Variants in CCPG1 observed in about 807,000 individuals in gnomAD.
The protein encoded by CCPG1 is cell cycle progression 1.
Under a neutral mutation model 81.3 loss-of-function variants are expected in CCPG1, and 46 were observed. The observed-to-expected ratio is 0.57, with a 90% CI of 0.45 to 0.72. CCPG1 has a LOEUF of 0.72. CCPG1 is among the 30% of genes least tolerant of loss of function. The pLI is 0.00. For missense variants in CCPG1, 902 were observed against 937.6 expected, an observed-to-expected ratio of 0.96 and a Z score of 0.50; for synonymous variants, 330 against 305.2, an observed-to-expected ratio of 1.08 and a Z score of -0.85.
intron 8 of CCPG1, chr15:55,357,179 A>G: frequency 1.1e-6 from 1 of 929,242 alleles, no homozygotes. Context: ...CACAATTCTC[A>G]TCTCCAATTA....
chr15:55,371,207 T>C (rs1208674800), intron 6 of CCPG1, among the ~76,000 whole-genome samples: 6 of 152,316 alleles, frequency 3.9e-5, no homozygotes, highest in Admixed American at 2.6e-4. Context: ...CCAAAAGGCA[T>C]TTAAAAGCTT....
chr15:55,369,928 T>C (rs993525764), intron 6 of CCPG1, among the ~76,000 whole-genome samples: 1 of 152,220 alleles, frequency 6.6e-6, no homozygotes, highest in African/African-American at 2.4e-5. Flanking sequence ...TCTCCATTGT[T>C]ACCCTCATGT....
Position 55,378,487 on chromosome 15 carries a change from G to C in CCPG1, c.176-111C>G. 4 of 573,916 alleles carry C rather than the reference G, an allele frequency of 7.0e-6. No homozygotes were observed. In the South Asian group the frequency reaches 7.4e-5, roughly 11 times the overall value. The allele number at this position is 573,916 out of a possible 1,614,324, so 35.6% of individuals were successfully genotyped here. A position where few individuals can be genotyped will look rare whatever the true frequency, so the allele number is the denominator to read the frequency against. On this transcript the variant is annotated intron_variant, in intron 3 of 8. Transcript: ENST00000442196. The stretch of plus-strand genomic sequence containing the variant: ...ATAAAAATCTCTTCCTAATATGTTA[G>C]GATAGATTTAATGAAATGTCACATA...
At chr15:55,370,616 C>T (rs1013714580) in intron 6 of CCPG1, among the ~76,000 whole-genome samples, 3 of 152,162 alleles carry the variant, frequency 2.0e-5, no homozygotes, top group South Asian at 2.1e-4. Flanking sequence ...GTGGCTCACG[C>T]CTGTAATCCC....
chr15:55,392,356 C>G (rs2056937867), intron 1 of CCPG1, among the ~76,000 whole-genome samples: 1 of 151,500 alleles, frequency 6.6e-6, no homozygotes, highest in South Asian at 2.1e-4. Context: ...GGATTACAGG[C>G]ACGCGCCACC....
chr15:55,390,136 C>T (rs1196818114), intron 1 of CCPG1, among the ~76,000 whole-genome samples: 4 of 152,118 alleles, frequency 2.6e-5, no homozygotes, highest in Admixed American at 2.0e-4. Context: ...GTTGGCCAGG[C>T]TGGTCGCGAA....
chr15:55,383,692 T>G lies in CCPG1; in HGVS notation c.175+1908A>C, dbSNP rs145968243. Reference sequence around the variant, plus strand: ...CTTGCTACTTCACCTTGCACTTTTATGTTACGGACATAGCTTCTTTCCTTA... The same window carrying G: ...CTTGCTACTTCACCTTGCACTTTTAGGTTACGGACATAGCTTCTTTCCTTA... On this transcript the variant is annotated intron_variant, in intron 3 of 8. Coordinates refer to ENST00000442196, the MANE Select transcript of CCPG1 (RefSeq NM_001204450.2). Among the ~76,000 whole-genome samples the G allele has an allele frequency of 1.3e-3, 202 of 152,360 alleles. 2 individuals are homozygous for G. The highest frequency in any genetic ancestry group is 4.7e-3 in the African/African-American group (194 of 41,588).
chr15:55,402,895 G>A (rs1319427819), intron 1 of CCPG1, among the ~76,000 whole-genome samples: 10 of 152,156 alleles, frequency 6.6e-5, no homozygotes, highest in African/African-American at 2.4e-4. Context: ...CTCAACCACA[G>A]AAGTACACTG....
intron 1 of CCPG1, among the ~76,000 whole-genome samples, chr15:55,390,636 G>A (rs2056895656): frequency 6.6e-6 from 1 of 152,024 alleles, no homozygotes; most frequent in African/African-American, 2.4e-5. Flanking sequence ...GGTATTTTTA[G>A]TAGAGACGAG....
chr15:55,400,360 T>C (rs1294472783), intron 1 of CCPG1, among the ~76,000 whole-genome samples: 1 of 151,230 alleles, frequency 6.6e-6, no homozygotes, highest in Non-Finnish European at 1.5e-5. Context: ...ATAGAAAAAT[T>C]AGCCAGGCAT....
chr15:55,391,229 C>T (rs1348525316), intron 1 of CCPG1, among the ~76,000 whole-genome samples: 1 of 152,158 alleles, frequency 6.6e-6, no homozygotes. Flanking sequence ...CTCAATCGAT[C>T]CTCCTGCCTC....
chr15:55,358,377 A>C (rs2056125577), intron 8 of CCPG1: 1 of 985,342 alleles, frequency 1.0e-6, no homozygotes, highest in South Asian at 4.7e-5. Context: ...GTAATCTAAA[A>C]TACAATATAA....
At chr15:55,394,344 T>G (rs933806689) in intron 1 of CCPG1, among the ~76,000 whole-genome samples, 2 of 152,154 alleles carry the variant, frequency 1.3e-5, no homozygotes, top group Non-Finnish European at 2.9e-5. Flanking sequence ...AAGTGTAGGA[T>G]AGCTCACAGG....
At chr15:55,396,539 A>C (rs1329759634) in intron 1 of CCPG1, among the ~76,000 whole-genome samples, 1 of 152,208 alleles carries the variant, frequency 6.6e-6, no homozygotes, top group Admixed American at 6.5e-5. Flanking sequence ...ATTTCTGCTA[A>C]CTCACAGAAT....
At chr15:55,372,459 G>A (rs112813593) in intron 5 of CCPG1, 8 of 205,392 alleles carry the variant, frequency 3.9e-5, no homozygotes, top group South Asian at 3.8e-4. Flanking sequence ...TCAGGAGTTC[G>A]AGATCAGCCT....
Position 55,365,437 on chromosome 15 carries a change from T to G in CCPG1, c.707-128A>C, listed in dbSNP as rs1446152507. The G allele has an allele frequency of 4.7e-5, 29 of 622,558 alleles. No homozygotes were observed. In the African/African-American group the frequency reaches 5.1e-4, roughly 11 times the overall value. 38.6% of individuals were successfully genotyped at this position (622,558 alleles called of 1,614,324 possible). ...TTTTTTTGTTTTTTTTTTTTGTTTTTTTTTTGTTTTTTGAGAAGAGTCTTG... is the reference window on the plus strand; with the variant it reads ...TTTTTTTGTTTTTTTTTTTTGTTTTGTTTTTGTTTTTTGAGAAGAGTCTTG... On this transcript the variant is annotated intron_variant, in intron 6 of 8. Coordinates refer to ENST00000442196, the MANE Select transcript of CCPG1 (RefSeq NM_001204450.2).
rs75599458 is a variant in CCPG1, at chr15:55,393,598, G to A, written c.-9-4165C>T. ...AGAAGATAGCGGGAAGGGTTTTGAA[G>A]AGATCTGAGAAGACATGAAAGGTTA... On this transcript the variant is annotated intron_variant, in intron 1 of 8. Transcript: ENST00000442196. Among the ~76,000 whole-genome samples, 697 of 152,262 alleles carry A rather than the reference G, an allele frequency of 4.6e-3. 32 individuals are homozygous for A. In the East Asian group the frequency reaches 0.11, roughly 23 times the overall value.
intron 6 of CCPG1, 98 bp from the exon 7 acceptor site, chr15:55,365,407 A>T: frequency 3.4e-5 from 23 of 669,960 alleles, no homozygotes; most frequent in Non-Finnish European, 4.5e-5. Context: ...TAAGCTATGT[A>T]GTCTTTTTTT....
chr15:55,370,706 C>A (rs1566970564), intron 6 of CCPG1, among the ~76,000 whole-genome samples: 1 of 152,150 alleles, frequency 6.6e-6, no homozygotes, highest in East Asian at 1.9e-4. Context: ...GAAACCCCGT[C>A]TCTACTAAAA....
Sources: gnomAD v4.1 joint callset for allele counts (sites outside exome capture counted in the v4.1 genomes callset) on GRCh38, gnomAD v4.1.1 for gene constraint, MANE v1.5 for transcripts, NCBI Gene and HGNC (gene_info 2026-07-23, HGNC 2026-07-21) for gene names.